Variants in MED12L observed in about 807,000 individuals in gnomAD.
MED12L encodes the protein mediator of RNA polymerase II transcription subunit 12-like protein.
MED12L carries 60 observed loss-of-function variants against 281.3 expected under a neutral mutation model. That is an observed-to-expected ratio of 0.21 (90% CI 0.17 to 0.26). The LOEUF is 0.26. Ranked by LOEUF, MED12L falls within the 10% of genes least tolerant of loss-of-function variation. MED12L has a pLI of 1.00. For missense variants in MED12L, 2,146 were observed against 2,680.9 expected (o/e 0.80, Z 4.41); for synonymous variants, 974 against 987.2 (o/e 0.99, Z 0.25).
intron 16 of MED12L, among the ~76,000 whole-genome samples, chr3:151,280,506 G>C (rs73023050): frequency 6.6e-6 from 1 of 152,092 alleles, no homozygotes; most frequent in Non-Finnish European, 1.5e-5. Context: ...CACTGCTACT[G>C]CCTTTATATG....
chr3:151,174,900 C>A (rs999036651), intron 11 of MED12L, among the ~76,000 whole-genome samples: 1 of 148,640 alleles, frequency 6.7e-6, no homozygotes, highest in South Asian at 2.1e-4. Context: ...CTATATTCCT[C>A]AGGCTGGTGG....
At chr3:151,304,271 T>C (rs1190705965) in intron 16 of MED12L, among the ~76,000 whole-genome samples, 1 of 152,176 alleles carries the variant, frequency 6.6e-6, no homozygotes. Context: ...TATCATTCAA[T>C]GTCTGGCATT....
rs999320754 is a variant in MED12L, at chr3:151,435,007, G to A, written c.*2203G>A. On this transcript the variant is annotated 3_prime_UTR_variant, in exon 45 of 45. Transcript: ENST00000687756. ...CTGCGCATTATAAAGAAAATAACTA[G>A]AATTACTTTAGTCTTCAGATTTTCT... 3 of 150,318 alleles carry A rather than the reference G, an allele frequency of 2.0e-5. No homozygotes were observed. Among genetic ancestry groups the A allele is most frequent in the South Asian group, 4.2e-4 (2 of 4,734 alleles). 9.3% of individuals were successfully genotyped at this position (150,318 alleles called of 1,614,324 possible).
At chr3:151,334,136 TATATAA>T (rs1158429911) in intron 16 of MED12L, among the ~76,000 whole-genome samples, 1 of 150,484 alleles carries the variant, frequency 6.6e-6, no homozygotes, top group Non-Finnish European at 1.5e-5. Flanking sequence ...AAAGCCATGT[TATATAA>T]ATATAAATTT....
At chr3:151,304,118 T>G (rs1746311864) in intron 16 of MED12L, among the ~76,000 whole-genome samples, 1 of 151,974 alleles carries the variant, frequency 6.6e-6, no homozygotes. Flanking sequence ...GACAGAGGGT[T>G]GAGTAATGAT....
chr3:151,099,120 G>T (rs1721091614), intron 2 of MED12L, among the ~76,000 whole-genome samples: 2 of 152,164 alleles, frequency 1.3e-5, no homozygotes, highest in African/African-American at 4.8e-5. Context: ...GGGGATTATG[G>T]GAACTACAAT....
chr3:151,297,427 A>G (rs1348976679), intron 16 of MED12L, among the ~76,000 whole-genome samples: 2 of 120,990 alleles, frequency 1.7e-5, no homozygotes, highest in Non-Finnish European at 4.3e-5. Context: ...TTAGGGAAAT[A>G]GAGAGAGGAC....
At chr3:151,279,406 G>A (rs74396290) in intron 16 of MED12L, among the ~76,000 whole-genome samples, 3,312 of 152,336 alleles carry the variant, frequency 0.022, 67 homozygotes, top group Middle Eastern at 0.041. Context: ...TGGAGATGGA[G>A]TAGTGACTGA....
intron 16 of MED12L, among the ~76,000 whole-genome samples, chr3:151,266,749 A>G (rs972249316): frequency 1.3e-5 from 2 of 152,216 alleles, no homozygotes; most frequent in Non-Finnish European, 2.9e-5. Flanking sequence ...TAAAGCATAC[A>G]TGCAGGAAAT....
chr3:151,127,195 ATAAT>A (rs925631240), intron 4 of MED12L, among the ~76,000 whole-genome samples: 1 of 152,236 alleles, frequency 6.6e-6, no homozygotes, highest in Non-Finnish European at 1.5e-5. Context: ...TCTGGAAGAC[ATAAT>A]TAACTGCCTC....
At chr3:151,153,129 A>G (rs1244977215) in intron 5 of MED12L, among the ~76,000 whole-genome samples, 2 of 152,250 alleles carry the variant, frequency 1.3e-5, no homozygotes, top group Admixed American at 1.3e-4. Context: ...TTAGCTATGC[A>G]TCGGTGACCA....
At chr3:151,418,936 A>G (rs988361657) in intron 43 of MED12L, among the ~76,000 whole-genome samples, 1 of 152,214 alleles carries the variant, frequency 6.6e-6, no homozygotes, top group Non-Finnish European at 1.5e-5. Flanking sequence ...CAAGCTTTCA[A>G]TGTGTAATGA....
intron 16 of MED12L, among the ~76,000 whole-genome samples, chr3:151,325,991 CAA>C (rs1420955484): frequency 7.2e-5 from 11 of 152,178 alleles, no homozygotes; most frequent in Non-Finnish European, 1.0e-4. Flanking sequence ...GATCAGACAT[CAA>C]GAGTACTTTC....
At chr3:151,227,390 C>G (rs1320233227) in intron 16 of MED12L, among the ~76,000 whole-genome samples, 4 of 152,114 alleles carry the variant, frequency 2.6e-5, no homozygotes, top group Non-Finnish European at 4.4e-5. Flanking sequence ...CAAACAGATC[C>G]AACTCTTGAT....
At chr3:151,167,795 A>AGACTTTCTTAGT (rs1720909161) in intron 11 of MED12L, among the ~76,000 whole-genome samples, 1 of 152,212 alleles carries the variant, frequency 6.6e-6, no homozygotes, top group Non-Finnish European at 1.5e-5. Context: ...TTTTTAGTAA[A>AGACTTTCTTAGT]GACTTTCTTA....
In MED12L at chr3:151,160,051, T is replaced by C. The variant is rs944989183; in HGVS notation, c.1057T>C (p.Ser353Pro). 2 of 1,614,190 alleles carry C rather than the reference T, an allele frequency of 1.2e-6. No individual in the cohort carries two copies. The highest frequency in any genetic ancestry group is 1.7e-6 in the Non-Finnish European group (2 of 1,180,004). The change falls in exon 8 of 45, where the codon TCC becomes CCC. Residue 353 changes from serine to proline, a missense_variant. Transcript: ENST00000687756. ...GCAGCTGGCCTTCTCAGATTTTCTT[T>C]CCTGTGCACAGCATGGTCCCCTGGT... Reference protein sequence around the residue: ...PVQLAFSDFLSCAQHGPLVYG... With the variant: ...PVQLAFSDFLPCAQHGPLVYG...
chr3:151,324,473 C>T (rs1191419327), intron 16 of MED12L, among the ~76,000 whole-genome samples: 1 of 152,154 alleles, frequency 6.6e-6, no homozygotes, highest in African/African-American at 2.4e-5. Context: ...TGTGAATTCA[C>T]TTGAGAAAAT....
At position 151,432,941 on chromosome 3, in the gene MED12L, CAAAA is replaced by C. The variant is rs35536198; in HGVS notation, c.*147_*150del. 1.2e-4 allele frequency: 56 copies of C among 468,504 alleles called. No homozygotes were observed. Among genetic ancestry groups the C allele is most frequent in the South Asian group, 1.9e-4 (5 of 25,732 alleles). 29.0% of individuals were successfully genotyped at this position (468,504 alleles called of 1,614,324 possible). A position where few individuals can be genotyped will look rare whatever the true frequency, so the allele number is the denominator to read the frequency against. Reference sequence around the variant, plus strand: ...TTACTATATTTTATGCTACATCTCACAAAAAAAAAAAAAGGTGTTTAAACAAAAA... The same window carrying C: ...TTACTATATTTTATGCTACATCTCACAAAAAAAAAGGTGTTTAAACAAAAA... On this transcript the variant is annotated 3_prime_UTR_variant, in exon 45 of 45. Transcript: ENST00000687756.
At chr3:151,349,046 G>A (rs1444877571) in intron 16 of MED12L, among the ~76,000 whole-genome samples, 1 of 152,230 alleles carries the variant, frequency 6.6e-6, no homozygotes, top group Non-Finnish European at 1.5e-5. Flanking sequence ...CATAGAGTAA[G>A]AAAAGGAGGT....
Sources: allele counts gnomAD v4.1 joint callset (sites outside exome capture counted in the v4.1 genomes callset), GRCh38; gene constraint gnomAD v4.1.1; transcripts MANE v1.5; gene names NCBI Gene and HGNC (gene_info 2026-07-23, HGNC 2026-07-21).